The following HRK variants were observed in gnomAD, a reference collection of about 807,000 sequenced individuals.
HRK encodes the protein harakiri, BCL2 interacting protein.
HRK carries 6 observed loss-of-function variants against 5.9 expected under a neutral mutation model. The observed-to-expected ratio is 1.02, with a 90% CI of 0.56 to 2.01. The LOEUF (loss-of-function observed/expected upper bound fraction) is 2.01, where lower values mean the gene tolerates loss of function less well. HRK is among the 30% of genes most tolerant of loss of function. HRK has a pLI of 0.00. For synonymous variants in HRK, 85 were observed against 65.1 expected, an observed-to-expected ratio of 1.31 and a Z score of -1.47; for missense variants, 133 against 128.3, an observed-to-expected ratio of 1.04 and a Z score of -0.18.
intron 1 of HRK, among the ~76,000 whole-genome samples, chr12:116,863,735 G>A (rs1049630633): frequency 5.4e-5 from 8 of 148,440 alleles, no homozygotes; most frequent in Non-Finnish European, 1.0e-4. Context: ...GTCTCGCTCT[G>A]CCACCCAGGC....
intron 1 of HRK, chr12:116,867,511 G>C (rs1367071645): frequency 6.6e-6 from 1 of 152,186 alleles, no homozygotes; most frequent in Non-Finnish European, 1.5e-5. Context: ...AGGAGGCTGA[G>C]GTAGGAAGAT....
At chr12:116,875,543 A>G (rs1002882886) in intron 1 of HRK, among the ~76,000 whole-genome samples, 2 of 151,862 alleles carry the variant, frequency 1.3e-5, no homozygotes. Flanking sequence ...TTCTTTTTTT[A>G]TTTTTTATTT....
chr12:116,880,528 A>G (rs1300632520), intron 1 of HRK, among the ~76,000 whole-genome samples: 2 of 152,092 alleles, frequency 1.3e-5, no homozygotes, highest in Admixed American at 6.5e-5. Flanking sequence ...GGTGATGGAG[A>G]CGGGGGCGAC....
Position 116,881,100 on chromosome 12 carries a change from G to C in HRK, c.208C>G (p.Pro70Ala), listed in dbSNP as rs1593013178. 1.6e-6 allele frequency: 2 copies of C among 1,274,796 alleles called. No individual in the cohort carries two copies. Among genetic ancestry groups the C allele is most frequent in the Non-Finnish European group, 2.0e-6 (2 of 1,012,554 alleles). The allele number at this position is 1,274,796 out of a possible 1,614,324, so 79.0% of individuals were successfully genotyped here. A position where few individuals can be genotyped will look rare whatever the true frequency, so the allele number is the denominator to read the frequency against. ...ACCTGCGCGGCCGCGCACAGCCAAGGCCAGTAGGTGGGGAGCGCGCCGGGC... is the reference window on the plus strand; with the variant it reads ...ACCTGCGCGGCCGCGCACAGCCAAGCCCAGTAGGTGGGGAGCGCGCCGGGC... ...PAPGALPTYWPWLCAAAQVAA... is the reference protein window; with the variant it reads ...PAPGALPTYWAWLCAAAQVAA... The change falls in exon 1 of 2, where the codon CCT (proline) becomes GCT (alanine). Residue 70 changes from proline to alanine, a missense_variant. Transcript: ENST00000257572.
Position 116,879,855 on chromosome 12 carries a change from G to T in HRK, c.*56+1121C>A, listed in dbSNP as rs1879078522. 6.6e-6 allele frequency among the ~76,000 whole-genome samples: 1 copy of T among 152,206 alleles called. No individual in the cohort carries two copies. Among genetic ancestry groups the T allele is most frequent in the African/African-American group, 2.4e-5 (1 of 41,462 alleles). ...GGCGCGCGGCGGGGCTCGGGGGCGG[G>T]GACCTAAGGGCGGCTGGCTATGTCA... On this transcript the variant is annotated intron_variant, in intron 1 of 1. Coordinates refer to ENST00000257572, the MANE Select transcript of HRK (RefSeq NM_003806.4). This position sits in a 1 kb window ranked among gnomAD's most constrained non-coding sequence, Gnocchi z 5.6.
intron 1 of HRK, among the ~76,000 whole-genome samples, chr12:116,873,031 T>C (rs1275989522): frequency 6.6e-6 from 1 of 152,374 alleles, no homozygotes; most frequent in African/African-American, 2.4e-5. Flanking sequence ...GGTCTTTACA[T>C]GGGAAAGGAC....
In HRK at chr12:116,875,840, G is replaced by C. The variant is rs191440909; in HGVS notation, c.*56+5136C>G. Among the ~76,000 whole-genome samples, 151 of 152,096 alleles carry C rather than the reference G, an allele frequency of 9.9e-4. 1 individual carries two copies. The highest frequency in any genetic ancestry group is 3.5e-3 in the African/African-American group (145 of 41,490). On this transcript the variant is annotated intron_variant, in intron 1 of 1. Coordinates refer to ENST00000257572, the MANE Select transcript of HRK (RefSeq NM_003806.4). ...ATTACAGGTGTGAGCCAGCATACCC[G>C]GCTGATGTTGCATAGTTTCTGATTC...
chr12:116,866,751 CT>C (rs1878561482), intron 1 of HRK, among the ~76,000 whole-genome samples: 1 of 152,062 alleles, frequency 6.6e-6, no homozygotes, highest in Non-Finnish European at 1.5e-5. Flanking sequence ...GCAGGTGGGC[CT>C]TGGAAGCCCA....
intron 1 of HRK, among the ~76,000 whole-genome samples, chr12:116,871,750 C>T (rs182948038): frequency 1.3e-5 from 2 of 151,220 alleles, no homozygotes; most frequent in Admixed American, 1.3e-4. Flanking sequence ...ATCTCAGCCT[C>T]CCGAGTAGCA....
chr12:116,880,618 T>C (rs990780486), intron 1 of HRK, among the ~76,000 whole-genome samples: 1 of 152,170 alleles, frequency 6.6e-6, no homozygotes, highest in Non-Finnish European at 1.5e-5. Flanking sequence ...TGGCGTGGCT[T>C]ACAACTACAT....
chr12:116,874,426 A>T (rs1427686297), intron 1 of HRK, among the ~76,000 whole-genome samples: 1 of 152,142 alleles, frequency 6.6e-6, no homozygotes, highest in Non-Finnish European at 1.5e-5. Flanking sequence ...TCATCACCAC[A>T]GGTGAGGAGT....
At chr12:116,875,042 GA>G (rs1397903795) in intron 1 of HRK, among the ~76,000 whole-genome samples, 1 of 150,526 alleles carries the variant, frequency 6.6e-6, no homozygotes, top group African/African-American at 2.4e-5. Context: ...AAAACTATTG[GA>G]AAAAAAAATT....
In HRK at chr12:116,857,680, CCAGT is replaced by C. The variant is rs1878200655; in HGVS notation, c.*3839_*3842del. On this transcript the variant is annotated 3_prime_UTR_variant, in exon 2 of 2. Coordinates refer to ENST00000257572, the MANE Select transcript of HRK (RefSeq NM_003806.4). ...AGATCAGCTACATACATTGTGAAAA[CCAGT>C]CACAGTTTCATTTTTCTGTGACAGT... is the stretch of plus-strand genomic sequence containing the variant. 1 of 152,144 alleles carries C rather than the reference CCAGT, an allele frequency of 6.6e-6. No homozygotes were observed. Among genetic ancestry groups the C allele is most frequent in the East Asian group, 1.9e-4 (1 of 5,186 alleles). The allele number at this position is 152,144 out of a possible 1,614,324, so 9.4% of individuals were successfully genotyped here.
chr12:116,876,242 CTTCCCGGGGGG>C (rs1223676168), intron 1 of HRK, among the ~76,000 whole-genome samples: 1 of 152,220 alleles, frequency 6.6e-6, no homozygotes, highest in Non-Finnish European at 1.5e-5. Context: ...CATCTGGCCC[CTTCCCGGGGGG>C]TTCCTCCCCA....
chr12:116,864,723 A>G (rs11068217), intron 1 of HRK, among the ~76,000 whole-genome samples: 6,361 of 152,144 alleles, frequency 0.042, 319 homozygotes, highest in East Asian at 0.13. Context: ...ACTTCAGGAG[A>G]CTGAGGAGAG....
chr12:116,866,418 G>A (rs926115885), intron 1 of HRK, among the ~76,000 whole-genome samples: 3 of 151,448 alleles, frequency 2.0e-5, no homozygotes, highest in Non-Finnish European at 4.4e-5. Context: ...AAGACTTGGA[G>A]GAGAAGCTCT....
chr12:116,878,047 C>G lies in HRK; in HGVS notation c.*56+2929G>C, dbSNP rs1388131363. ...TCTCCTGCCTCAGCCTCCCGAGTAG[C>G]TGGGATTACAGGTGTGCACCACCAC... On this transcript the variant is annotated intron_variant, in intron 1 of 1. Coordinates refer to ENST00000257572, the MANE Select transcript of HRK (RefSeq NM_003806.4). This position sits in a 1 kb window ranked among gnomAD's most constrained non-coding sequence, Gnocchi z 4.4. Among the ~76,000 whole-genome samples, 2 of 152,202 alleles carry G rather than the reference C, an allele frequency of 1.3e-5. No individual in the cohort carries two copies. Among genetic ancestry groups the G allele is most frequent in the African/African-American group, 4.8e-5 (2 of 41,454 alleles).
intron 1 of HRK, among the ~76,000 whole-genome samples, chr12:116,861,862 G>A (rs1878379415): frequency 6.6e-6 from 1 of 152,200 alleles, no homozygotes; most frequent in South Asian, 2.1e-4. Context: ...CCAGATTCAA[G>A]AGAGAGTTGT....
Position 116,881,235 on chromosome 12 carries a change from G to A in HRK, c.73C>T (p.Leu25=). 3 of 1,103,912 alleles carry A rather than the reference G, an allele frequency of 2.7e-6. No individual in the cohort carries two copies. Among genetic ancestry groups the A allele is most frequent in the Non-Finnish European group, 3.3e-6 (3 of 908,234 alleles). The allele number at this position is 1,103,912 out of a possible 1,614,324, so 68.4% of individuals were successfully genotyped here. A position where few individuals can be genotyped will look rare whatever the true frequency, so the allele number is the denominator to read the frequency against. ...GTGAGCTGCGCGGCGGACGAGCGCA[G>A]CCCCAGGCGACCCGCGCTGCAGGCG... is the stretch of plus-strand genomic sequence containing the variant. The part of the protein sequence containing the change: ...VCACSAGRLG[L]RSSAAQLTAA... The change falls in exon 1 of 2, where the codon CTG becomes TTG. Residue 25 remains leucine, a synonymous_variant. Coordinates refer to ENST00000257572, the MANE Select transcript of HRK (RefSeq NM_003806.4).
Sources: allele counts gnomAD v4.1 joint callset (sites outside exome capture counted in the v4.1 genomes callset), GRCh38; gene constraint gnomAD v4.1.1; non-coding constraint Gnocchi (gnomAD v3.1); transcripts MANE v1.5; gene names NCBI Gene and HGNC (gene_info 2026-07-23, HGNC 2026-07-21).